Variants in SGCD observed in about 807,000 individuals in gnomAD.
The protein encoded by SGCD is sarcoglycan delta.
A neutral mutation model predicts 36.6 loss-of-function variants in SGCD; 18 were observed. That is an observed-to-expected ratio of 0.49 (90% CI 0.34 to 0.73). The LOEUF (loss-of-function observed/expected upper bound fraction) is 0.73. Ranked by LOEUF, SGCD falls within the 30% of genes least tolerant of loss-of-function variation. SGCD has a pLI of 0.01. For synonymous variants in SGCD, 133 were observed against 130.6 expected (o/e 1.02, Z -0.12); for missense variants, 387 against 346.7 (o/e 1.12, Z -0.92).
intron 3 of SGCD, among the ~76,000 whole-genome samples, chr5:156,169,222 G>A (rs1043878389): frequency 2.6e-4 from 39 of 152,184 alleles, no homozygotes; most frequent in African/African-American, 9.2e-4. Context: ...GGAAACGAAG[G>A]AATTATTGCT....
chr5:156,237,346 C>T (rs985509643), intron 3 of SGCD, among the ~76,000 whole-genome samples: 7 of 151,140 alleles, frequency 4.6e-5, no homozygotes, highest in African/African-American at 9.7e-5. Flanking sequence ...GGGACATGGC[C>T]GGGTGTGGTG....
chr5:156,291,052 T>G (rs1287012785), intron 3 of SGCD, among the ~76,000 whole-genome samples: 3 of 152,144 alleles, frequency 2.0e-5, no homozygotes, highest in Non-Finnish European at 4.4e-5. Context: ...ACGTTCTGCA[T>G]CTGCAGATAA....
chr5:156,519,183 C>T (rs183090747), intron 4 of SGCD, among the ~76,000 whole-genome samples: 140 of 151,894 alleles, frequency 9.2e-4, no homozygotes, highest in Admixed American at 2.9e-3. Flanking sequence ...TAGAAACAGC[C>T]GTCAGAGAAT....
the SGCD span, among the ~76,000 whole-genome samples, chr5:155,763,363 T>C: frequency 6.6e-6 from 1 of 152,162 alleles, no homozygotes; most frequent in African/African-American, 2.4e-5. Flanking sequence ...ATATTCAGTA[T>C]TCTAAAATAA....
intron 1 of SGCD, among the ~76,000 whole-genome samples, chr5:155,965,122 G>A (rs1482906228): frequency 6.6e-6 from 1 of 152,108 alleles, no homozygotes; most frequent in African/African-American, 2.4e-5. Flanking sequence ...TCTATTAGGT[G>A]CATCTCTGCC....
At chr5:156,347,338 A>T (rs1006614922) in intron 3 of SGCD, among the ~76,000 whole-genome samples, 2 of 152,208 alleles carry the variant, frequency 1.3e-5, no homozygotes, top group South Asian at 2.1e-4. Flanking sequence ...TGTATTTCAA[A>T]AACTTATAAA....
intron 7 of SGCD, among the ~76,000 whole-genome samples, chr5:156,729,592 C>T (rs145524124): frequency 2.0e-4 from 30 of 152,298 alleles, no homozygotes; most frequent in African/African-American, 5.5e-4. Context: ...ATGATATCAT[C>T]ATTATCTTTT....
At chr5:156,697,089 A>G (rs957444542) in intron 7 of SGCD, among the ~76,000 whole-genome samples, 2 of 151,998 alleles carry the variant, frequency 1.3e-5, no homozygotes, top group Non-Finnish European at 2.9e-5. Flanking sequence ...GCATGTGTAA[A>G]ACATATTGCC....
At chr5:155,801,016 A>G in the SGCD span, among the ~76,000 whole-genome samples, 1 of 152,158 alleles carries the variant, frequency 6.6e-6, no homozygotes, top group Non-Finnish European at 1.5e-5. Flanking sequence ...AATCACCTTT[A>G]TAATGAGTGC....
intron 1 of SGCD, among the ~76,000 whole-genome samples, chr5:156,099,988 T>G (rs1318284147): frequency 6.6e-6 from 1 of 152,152 alleles, no homozygotes; most frequent in Non-Finnish European, 1.5e-5. Flanking sequence ...CAAATGCATA[T>G]ATTCATATAT....
intron 3 of SGCD, among the ~76,000 whole-genome samples, chr5:156,252,149 C>T (rs1765597677): frequency 6.6e-6 from 1 of 151,814 alleles, no homozygotes; most frequent in Non-Finnish European, 1.5e-5. Flanking sequence ...CTCACATCCA[C>T]CTCCGCCTCC....
intron 3 of SGCD, among the ~76,000 whole-genome samples, chr5:156,270,086 G>A (rs983018473): frequency 2.0e-5 from 3 of 152,160 alleles, no homozygotes; most frequent in South Asian, 2.1e-4. Flanking sequence ...TCAGTCTTCT[G>A]CATATGGCTA....
At chr5:155,942,314 G>GTATCTATCTATCTATC (rs761794178) in intron 1 of SGCD, among the ~76,000 whole-genome samples, 87 of 84,452 alleles carry the variant, frequency 1.0e-3, no homozygotes, top group Non-Finnish European at 1.2e-3. Context: ...ATGTATGTAT[G>GTATCTATCTATCTATC]TATGTATGTA....
Position 156,448,098 on chromosome 5 carries a change from A to T in SGCD, c.193-60503A>T, listed in dbSNP as rs117195492. The stretch of plus-strand genomic sequence containing the variant: ...CTGTATTCTGCCTTTGAAAAATACC[A>T]TTGTACTACATCCTCCTCTCAAGTC... On this transcript the variant is annotated intron_variant, in intron 3 of 8. Coordinates refer to ENST00000337851, the MANE Select transcript of SGCD (RefSeq NM_000337.6). Among the ~76,000 whole-genome samples the T allele has an allele frequency of 3.2e-4, 48 of 152,218 alleles. No homozygotes were observed. The East Asian group carries it at 8.3e-3, about 26-fold the overall frequency.
At chr5:156,510,191 G>A (rs1188304988) in intron 4 of SGCD, among the ~76,000 whole-genome samples, 1 of 152,150 alleles carries the variant, frequency 6.6e-6, no homozygotes, top group African/African-American at 2.4e-5. Flanking sequence ...GCCATACAAT[G>A]ATTATTTATA....
intron 7 of SGCD, among the ~76,000 whole-genome samples, chr5:156,679,862 T>C (rs1753656828): frequency 6.6e-6 from 1 of 152,200 alleles, no homozygotes; most frequent in African/African-American, 2.4e-5. Context: ...GTTATCTTCT[T>C]AGTTACTCAA....
At chr5:155,769,530 C>T in the SGCD span, among the ~76,000 whole-genome samples, 1 of 151,960 alleles carries the variant, frequency 6.6e-6, no homozygotes, top group Non-Finnish European at 1.5e-5. Flanking sequence ...TTCCACTTTG[C>T]TCCCAAATGG....
chr5:155,756,521 C>T, the SGCD span, among the ~76,000 whole-genome samples: 9 of 152,206 alleles, frequency 5.9e-5, no homozygotes, highest in African/African-American at 1.2e-4. Context: ...ACACAAAGCC[C>T]GGTTACTTTC....
the SGCD span, among the ~76,000 whole-genome samples, chr5:155,839,607 T>C: frequency 1.3e-5 from 2 of 152,210 alleles, no homozygotes; most frequent in Admixed American, 6.5e-5. Flanking sequence ...AAATAAATAT[T>C]TAACATATCT....
Sources: gnomAD v4.1 joint callset for allele counts (sites outside exome capture counted in the v4.1 genomes callset) on GRCh38, gnomAD v4.1.1 for gene constraint, MANE v1.5 for transcripts, NCBI Gene and HGNC (gene_info 2026-07-23, HGNC 2026-07-21) for gene names.